The following SULF2 variants were observed in gnomAD, a reference collection of about 807,000 sequenced individuals.
SULF2 encodes the protein sulfatase 2.
SULF2 carries 52 observed loss-of-function variants against 107.7 expected under a neutral mutation model. The observed-to-expected ratio is 0.48, with a 90% CI of 0.39 to 0.61. The LOEUF is 0.61. SULF2 is among the 20% of genes least tolerant of loss of function. The probability of loss-of-function intolerance (pLI) is 0.00; values close to 1 mark genes in which losing one functional copy is unlikely to be tolerated. For synonymous variants in SULF2, 460 were observed against 464.3 expected, an observed-to-expected ratio of 0.99 and a Z score of 0.12; for missense variants, 993 against 1,177.3, an observed-to-expected ratio of 0.84 and a Z score of 2.29.
At chr20:47,728,905 C>G (rs2146741481) in intron 3 of SULF2, among the ~76,000 whole-genome samples, 1 of 152,326 alleles carries the variant, frequency 6.6e-6, no homozygotes, top group East Asian at 1.9e-4. Context: ...CTCAGCCTCC[C>G]AAAGTGTTAG....
chr20:47,702,904 G>C (rs115864357), intron 3 of SULF2, among the ~76,000 whole-genome samples: 23 of 152,132 alleles, frequency 1.5e-4, no homozygotes, highest in African/African-American at 5.3e-4. Context: ...ACACATTTGC[G>C]ATACAGTGTG....
intron 3 of SULF2, among the ~76,000 whole-genome samples, chr20:47,717,182 T>G (rs895931095): frequency 7.9e-5 from 12 of 152,188 alleles, no homozygotes; most frequent in African/African-American, 2.9e-4. Flanking sequence ...GTTTTGAGTC[T>G]AGAGATCCTG....
rs761217398 is a variant in SULF2, at chr20:47,672,295, C to T, written c.1479G>A (p.Val493=). 2.5e-6 allele frequency: 4 copies of T among 1,613,528 alleles called. No individual in the cohort carries two copies. Among genetic ancestry groups the T allele is most frequent in the Non-Finnish European group, 3.4e-6 (4 of 1,179,988 alleles). ...LGGSRALSNL[V]PKYYGQGSEA... ...CGCTGCCCTGCCCGTAGTACTTGGGCACGAGGTTGGAGAGGGCTCTGCTGC... is the reference window on the plus strand; with the variant it reads ...CGCTGCCCTGCCCGTAGTACTTGGGTACGAGGTTGGAGAGGGCTCTGCTGC... The change falls in exon 11 of 21, where the codon GTG becomes GTA. Residue 493 remains valine, a synonymous_variant. Coordinates refer to ENST00000688720, the MANE Select transcript of SULF2 (RefSeq NM_001387048.1).
At chr20:47,704,204 G>A (rs1190242175) in intron 3 of SULF2, among the ~76,000 whole-genome samples, 1 of 152,168 alleles carries the variant, frequency 6.6e-6, no homozygotes, top group Non-Finnish European at 1.5e-5. Flanking sequence ...AAGGGGATGT[G>A]CCTAAAAGCT....
intron 5 of SULF2, among the ~76,000 whole-genome samples, chr20:47,688,361 C>G (rs768480440): frequency 5.9e-5 from 9 of 152,222 alleles, no homozygotes; most frequent in Non-Finnish European, 1.2e-4. Context: ...GGCTTCTCCA[C>G]ATAAGAGCAG....
intron 3 of SULF2, among the ~76,000 whole-genome samples, chr20:47,729,315 C>A (rs548371317): frequency 6.6e-6 from 1 of 152,200 alleles, no homozygotes; most frequent in Admixed American, 6.5e-5. Context: ...GGGGCCTCTA[C>A]CCTGAGTAGG....
intron 20 of SULF2, 143 bp from the exon 21 acceptor site, chr20:47,658,535 C>T (rs2086966982): frequency 1.1e-6 from 1 of 882,470 alleles, no homozygotes; most frequent in Admixed American, 2.0e-5. Context: ...GGGATTGCCA[C>T]CACCTAGTCA....
rs140729931 is a variant in SULF2, at chr20:47,695,193, T to G, written c.568-4898A>C. On this transcript the variant is annotated intron_variant, in intron 4 of 20. Coordinates refer to ENST00000688720, the MANE Select transcript of SULF2 (RefSeq NM_001387048.1). ...CAGCTATCAGGAAAATGAATGGGCA[T>G]GTCCGTGCTCCAGTAAAGCTTTATG... Among the ~76,000 whole-genome samples, 171 of 152,304 alleles carry G rather than the reference T, an allele frequency of 1.1e-3. 2 individuals carry two copies. Among genetic ancestry groups the G allele is most frequent in the Non-Finnish European group, 2.8e-4 (19 of 68,034 alleles).
intron 4 of SULF2, among the ~76,000 whole-genome samples, chr20:47,699,533 T>C (rs971685449): frequency 1.3e-5 from 2 of 150,192 alleles, no homozygotes; most frequent in African/African-American, 4.9e-5. Context: ...GTTGAGGCTC[T>C]TAGGAGTACG....
intron 4 of SULF2, among the ~76,000 whole-genome samples, chr20:47,700,427 A>T (rs1261532355): frequency 6.6e-6 from 1 of 152,184 alleles, no homozygotes. Flanking sequence ...CTAAGCTACT[A>T]CATACTGAGT....
intron 2 of SULF2, among the ~76,000 whole-genome samples, chr20:47,748,982 T>C (rs1452682013): frequency 1.3e-5 from 2 of 152,214 alleles, no homozygotes; most frequent in Non-Finnish European, 2.9e-5. Flanking sequence ...ATAAGATCTA[T>C]TCGTGTTGCA....
chr20:47,697,202 C>A (rs539073110), intron 4 of SULF2, among the ~76,000 whole-genome samples: 2 of 152,312 alleles, frequency 1.3e-5, no homozygotes, highest in Admixed American at 1.3e-4. Flanking sequence ...CTGTCTTCCC[C>A]TCTCCAACCC....
rs1387042109 is a variant in SULF2, at chr20:47,746,973, TTAAA to T, written c.176-10035_176-10032del. Among the ~76,000 whole-genome samples the T allele has an allele frequency of 1.5e-3, 89 of 60,596 alleles. 2 individuals are homozygous for T. Among genetic ancestry groups the T allele is most frequent in the African/African-American group, 4.9e-3 (76 of 15,388 alleles). The allele number at this position is 60,596 out of a possible 152,430, so 39.8% of individuals were successfully genotyped here. On this transcript the variant is annotated intron_variant, in intron 2 of 20. Transcript: ENST00000688720. Reference sequence around the variant, plus strand: ...ACGTTGTGCACATGTACCCTAGAACTTAAATAAATAAAAAAAAAAAAATATATAT... The same window carrying T: ...ACGTTGTGCACATGTACCCTAGAACTTAAATAAAAAAAAAAAAATATATAT...
chr20:47,683,211 T>C (rs777189089), intron 6 of SULF2, 42 bp from the exon 7 acceptor site: 1 of 1,530,376 alleles, frequency 6.5e-7, no homozygotes, highest in Non-Finnish European at 8.9e-7. Context: ...GGGGACTGGG[T>C]GCCTGGCCCG....
rs570534109 is a variant in SULF2, at chr20:47,689,065, T to C, written c.737+1061A>G. ...AGTACTACAGGGGTGGGCAGAGGCA[T>C]GGGAAGCAGAAGTGGGGGGCTGGAC... On this transcript the variant is annotated intron_variant, in intron 5 of 20. Coordinates refer to ENST00000688720, the MANE Select transcript of SULF2 (RefSeq NM_001387048.1). Among the ~76,000 whole-genome samples, 5 of 152,212 alleles carry C rather than the reference T, an allele frequency of 3.3e-5. No homozygotes were observed. The South Asian group carries it at 8.3e-4, about 25-fold the overall frequency.
chr20:47,701,270 G>C (rs2088560391), intron 4 of SULF2, among the ~76,000 whole-genome samples: 1 of 152,206 alleles, frequency 6.6e-6, no homozygotes, highest in Non-Finnish European at 1.5e-5. Flanking sequence ...CCCCAGGGTG[G>C]GGGGTCATGA....
chr20:47,749,621 G>A (rs979344486), intron 2 of SULF2, among the ~76,000 whole-genome samples: 14 of 152,364 alleles, frequency 9.2e-5, no homozygotes, highest in Non-Finnish European at 1.6e-4. Flanking sequence ...ATTTGGAATT[G>A]ATCTCCTGGA....
intron 8 of SULF2, 148 bp from the exon 9 acceptor site, chr20:47,677,282 C>T: frequency 2.5e-6 from 2 of 795,358 alleles, no homozygotes; most frequent in Non-Finnish European, 4.1e-6. Flanking sequence ...CAGCTGGGCA[C>T]TAGAGCATTG....
chr20:47,784,478 G>C (rs914809282), intron 1 of SULF2, among the ~76,000 whole-genome samples: 4 of 152,004 alleles, frequency 2.6e-5, no homozygotes, highest in Non-Finnish European at 4.4e-5. Flanking sequence ...GCGTGCAGGT[G>C]GGGGAGTTGC....
Sources: gnomAD v4.1 joint callset for allele counts (sites outside exome capture counted in the v4.1 genomes callset) on GRCh38, gnomAD v4.1.1 for gene constraint, MANE v1.5 for transcripts, NCBI Gene and HGNC (gene_info 2026-07-23, HGNC 2026-07-21) for gene names.